CCNY: variants seen among roughly 807,000 people sequenced by gnomAD.
The protein encoded by CCNY is cyclin Y.
A neutral mutation model predicts 42.8 loss-of-function variants in CCNY; 19 were observed. The observed-to-expected ratio is 0.44, with a 90% CI of 0.31 to 0.65. The LOEUF (loss-of-function observed/expected upper bound fraction) is 0.65, where lower values mean the gene tolerates loss of function less well. CCNY is among the 30% of genes least tolerant of loss of function. The pLI, the probability that CCNY is intolerant of heterozygous loss-of-function variation, is 0.07. For synonymous variants in CCNY, 165 were observed against 162.7 expected, an observed-to-expected ratio of 1.01 and a Z score of -0.11; for missense variants, 370 against 437.3, an observed-to-expected ratio of 0.85 and a Z score of 1.37.
intron 3 of CCNY, among the ~76,000 whole-genome samples, chr10:35,298,005 T>C (rs1279267937): frequency 6.9e-6 from 1 of 144,272 alleles, no homozygotes; most frequent in Non-Finnish European, 1.5e-5. Flanking sequence ...GAAGTTCTTA[T>C]GAAAAAAAAA....
rs116696305 is a variant in CCNY at position 35,503,929 on chromosome 10, A to G, written c.264+2394A>G. On this transcript the variant is annotated intron_variant, in intron 3 of 9. Coordinates refer to ENST00000374704, the MANE Select transcript of CCNY (RefSeq NM_145012.6). The stretch of plus-strand genomic sequence containing the variant: ...GAACTTAGAGATAACATTTATAATT[A>G]AATTTGTATGGGACAGTCTCTAGGG... 1.9e-3 allele frequency among the ~76,000 whole-genome samples: 285 copies of G among 152,318 alleles called. 2 individuals carry two copies. Among genetic ancestry groups the G allele is most frequent in the African/African-American group, 6.5e-3 (271 of 41,570 alleles).
intron 3 of CCNY, among the ~76,000 whole-genome samples, chr10:35,278,791 G>T (rs150975334): frequency 3.3e-5 from 5 of 152,282 alleles, no homozygotes; most frequent in Admixed American, 2.0e-4. Context: ...AGTAAGTGAC[G>T]CAGCTGTGAA....
intron 2 of CCNY, among the ~76,000 whole-genome samples, chr10:35,492,459 A>AT (rs111584411): frequency 1.7e-4 from 25 of 149,534 alleles, no homozygotes; most frequent in East Asian, 7.8e-4. Context: ...AATTGGCAGC[A>AT]TTTTTTTTTT....
At chr10:35,524,635 T>G (rs1840613709) in intron 4 of CCNY, among the ~76,000 whole-genome samples, 1 of 152,212 alleles carries the variant, frequency 6.6e-6, no homozygotes, top group Non-Finnish European at 1.5e-5. Flanking sequence ...TTTTTTGGCC[T>G]CCTCAATACA....
chr10:35,566,206 G>A (rs368930492), intron 9 of CCNY, 21 bp downstream of exon 9: 71 of 1,607,010 alleles, frequency 4.4e-5, no homozygotes, highest in Non-Finnish European at 5.9e-5. Context: ...TTAAAACAGC[G>A]TTTTGTGGTG....
intron 1 of CCNY, among the ~76,000 whole-genome samples, chr10:35,414,826 G>T (rs1355772844): frequency 6.6e-6 from 1 of 152,174 alleles, no homozygotes; most frequent in Non-Finnish European, 1.5e-5. Flanking sequence ...ATAAAAGAGG[G>T]TTAGGGTAAC....
chr10:35,272,930 T>C (rs1374277482), intron 3 of CCNY, among the ~76,000 whole-genome samples: 1 of 148,404 alleles, frequency 6.7e-6, no homozygotes, highest in Non-Finnish European at 1.5e-5. Flanking sequence ...GCTAGCACCT[T>C]TTTTTTTTTT....
chr10:35,302,302 A>T (rs1589024958), intron 3 of CCNY, among the ~76,000 whole-genome samples: 1 of 143,868 alleles, frequency 7.0e-6, no homozygotes, highest in Non-Finnish European at 1.5e-5. Flanking sequence ...TAATACTTTG[A>T]CATCTTAATT....
intron 3 of CCNY, among the ~76,000 whole-genome samples, chr10:35,327,311 C>T (rs1241686866): frequency 6.6e-6 from 1 of 152,114 alleles, no homozygotes; most frequent in Admixed American, 6.5e-5. Flanking sequence ...GGCTTTCTTT[C>T]TATAACAATA....
intron 2 of CCNY, among the ~76,000 whole-genome samples, chr10:35,486,039 C>A (rs1017431992): frequency 3.1e-4 from 47 of 152,222 alleles, no homozygotes; most frequent in African/African-American, 1.1e-3. Context: ...ACGTATTCAG[C>A]TGCCTGCTGG....
At chr10:35,561,052 G>T (rs937719411) in intron 8 of CCNY, among the ~76,000 whole-genome samples, 3 of 152,168 alleles carry the variant, frequency 2.0e-5, no homozygotes. Flanking sequence ...CAGGGGCCTG[G>T]ACAGCCACCC....
intron 3 of CCNY, among the ~76,000 whole-genome samples, chr10:35,265,023 G>GGATA (rs2095723794): frequency 6.6e-6 from 1 of 152,162 alleles, no homozygotes; most frequent in Non-Finnish European, 1.5e-5. Context: ...ACTGTCAGAT[G>GGATA]GATAGGTTGG....
intron 1 of CCNY, among the ~76,000 whole-genome samples, chr10:35,407,508 A>C (rs1425199047): frequency 6.6e-6 from 1 of 152,176 alleles, no homozygotes; most frequent in Non-Finnish European, 1.5e-5. Flanking sequence ...CAGGCACCTC[A>C]GACCGTTTGC....
upstream of CCNY, among the ~76,000 whole-genome samples, chr10:35,333,150 T>C (rs1204522652): frequency 6.6e-6 from 1 of 152,096 alleles, no homozygotes; most frequent in Non-Finnish European, 1.5e-5. Context: ...GCCATCTTCC[T>C]AATCCTCCTC....
chr10:35,565,887 C>T, intron 8 of CCNY, 136 bp from the exon 9 acceptor site: 1 of 857,948 alleles, frequency 1.2e-6, no homozygotes. Context: ...GGTGGTCTAA[C>T]CAGACATTTA....
At chr10:35,544,110 C>CT (rs1318694291) in intron 7 of CCNY, among the ~76,000 whole-genome samples, 1 of 152,002 alleles carries the variant, frequency 6.6e-6, no homozygotes, top group African/African-American at 2.4e-5. Flanking sequence ...TACAGAAAAT[C>CT]TTTTTCATAA....
rs10047364 is a variant in CCNY at position 35,438,016 on chromosome 10, A to G, written c.155-45388A>G. Among the ~76,000 whole-genome samples the G allele has an allele frequency of 5.7e-3, 860 of 152,190 alleles. 11 individuals carry two copies. The highest frequency in any genetic ancestry group is 0.02 in the African/African-American group (825 of 41,524). ...ATGCCAGTTCTCTGCTTGGCAGCAA[A>G]TACTCTTACCAGCTTCTGTGTGTCT... On this transcript the variant is annotated intron_variant, in intron 1 of 9. Transcript: ENST00000374704.
intron 1 of CCNY, among the ~76,000 whole-genome samples, chr10:35,383,111 G>A (rs1837225878): frequency 6.6e-6 from 1 of 152,136 alleles, no homozygotes; most frequent in Admixed American, 6.6e-5. Flanking sequence ...TTCTGTATCT[G>A]TGGGTTCTAC....
chr10:35,512,436 G>T (rs1375692554), intron 3 of CCNY, among the ~76,000 whole-genome samples: 1 of 152,164 alleles, frequency 6.6e-6, no homozygotes, highest in Non-Finnish European at 1.5e-5. Flanking sequence ...GAGAAGCAGA[G>T]TCCACAAAGG....
Sources: gnomAD v4.1 joint callset for allele counts (sites outside exome capture counted in the v4.1 genomes callset) on GRCh38, gnomAD v4.1.1 for gene constraint, MANE v1.5 for transcripts, NCBI Gene and HGNC (gene_info 2026-07-23, HGNC 2026-07-21) for gene names.